SEC24B: variants seen among roughly 807,000 people sequenced by gnomAD.
SEC24B encodes SEC24 homolog B, COPII component, also known as protein transport protein Sec24B.
Under a neutral mutation model 142.8 loss-of-function variants are expected in SEC24B, and 45 were observed. The observed-to-expected ratio is 0.32, with a 90% CI of 0.25 to 0.40. The LOEUF is 0.40. SEC24B is among the 10% of genes least tolerant of loss of function. The pLI, the probability that SEC24B is intolerant of heterozygous loss-of-function variation, is 1.00. For synonymous variants in SEC24B, 574 were observed against 568.2 expected (o/e 1.01, Z -0.15); for missense variants, 1,409 against 1,526.8 (o/e 0.92, Z 1.29).
chr4:109,513,804 G>T lies in SEC24B; in HGVS notation c.1961G>T (p.Arg654Leu). Residue 654 changes from arginine to leucine, a missense_variant, in exon 10 of 24, where the codon CGA becomes CTA. Coordinates refer to ENST00000265175, the MANE Select transcript of SEC24B (RefSeq NM_006323.5). ...LTRSYGEPHK[R>L]PEVQNSTVEF... Reference sequence around the variant, plus strand: ...CGATCTTATGGAGAGCCTCATAAACGACCAGAAGTTCAGAATTCAACTGTG... The same window carrying T: ...CGATCTTATGGAGAGCCTCATAAACTACCAGAAGTTCAGAATTCAACTGTG... The T allele has an allele frequency of 1.2e-6, 2 of 1,613,234 alleles. No individual in the cohort carries two copies. Among genetic ancestry groups the T allele is most frequent in the South Asian group, 2.2e-5 (2 of 91,016 alleles).
At chr4:109,459,930 G>C (rs1376545641) in intron 1 of SEC24B, among the ~76,000 whole-genome samples, 1 of 152,234 alleles carries the variant, frequency 6.6e-6, no homozygotes, top group African/African-American at 2.4e-5. Flanking sequence ...TATTTAAATA[G>C]GAGAAAGGAG....
chr4:109,460,777 TTAA>T (rs1045623317), intron 1 of SEC24B, among the ~76,000 whole-genome samples: 4 of 150,704 alleles, frequency 2.7e-5, no homozygotes, highest in African/African-American at 4.9e-5. Flanking sequence ...TATATTAATA[TTAA>T]TAAGACTAAT....
intron 2 of SEC24B, among the ~76,000 whole-genome samples, chr4:109,467,404 CTT>C (rs1732058533): frequency 1.3e-5 from 2 of 150,970 alleles, no homozygotes; most frequent in Non-Finnish European, 2.9e-5. Flanking sequence ...GTTGGTTGCA[CTT>C]TTGGCTAGTG....
At chr4:109,468,941 A>G (rs1188053655) in intron 2 of SEC24B, among the ~76,000 whole-genome samples, 1 of 152,082 alleles carries the variant, frequency 6.6e-6, no homozygotes, top group African/African-American at 2.4e-5. Flanking sequence ...ATACCTAATC[A>G]TATGTGTTAT....
At chr4:109,469,178 C>T (rs933819771) in intron 2 of SEC24B, among the ~76,000 whole-genome samples, 1 of 152,128 alleles carries the variant, frequency 6.6e-6, no homozygotes, top group African/African-American at 2.4e-5. Context: ...TCTTAGAAAT[C>T]ACACCTCAGA....
intron 2 of SEC24B, among the ~76,000 whole-genome samples, chr4:109,467,122 C>T (rs1030936588): frequency 2.0e-5 from 3 of 151,566 alleles, no homozygotes; most frequent in East Asian, 2.0e-4. Context: ...GTCAGGAGAT[C>T]GAGACCATCC....
chr4:109,534,868 G>A (rs1349139631), intron 22 of SEC24B, among the ~76,000 whole-genome samples: 1 of 152,068 alleles, frequency 6.6e-6, no homozygotes, highest in African/African-American at 2.4e-5. Context: ...TCTAGAGATG[G>A]GGTATCCCTG....
At chr4:109,459,961 G>A (rs1731091574) in intron 1 of SEC24B, among the ~76,000 whole-genome samples, 1 of 152,038 alleles carries the variant, frequency 6.6e-6, no homozygotes, top group Non-Finnish European at 1.5e-5. Context: ...TACTTTTGTC[G>A]TGTTAATGAA....
chr4:109,464,020 T>C (rs67923759), intron 2 of SEC24B, among the ~76,000 whole-genome samples: 11,835 of 152,298 alleles, frequency 0.078, 592 homozygotes, highest in Middle Eastern at 0.18. Context: ...GTTGTTTTTT[T>C]AGCCAGAGCC....
intron 9 of SEC24B, among the ~76,000 whole-genome samples, chr4:109,512,792 G>T (rs967939725): frequency 4.6e-5 from 7 of 151,452 alleles, no homozygotes; most frequent in Non-Finnish European, 1.0e-4. Flanking sequence ...CTCCCAAGTA[G>T]CTGAGACTAC....
intron 1 of SEC24B, among the ~76,000 whole-genome samples, chr4:109,451,924 C>T (rs1255095675): frequency 2.0e-5 from 3 of 152,090 alleles, no homozygotes; most frequent in Non-Finnish European, 4.4e-5. Context: ...CCTAGGTTTT[C>T]TTGATATCCT....
chr4:109,462,303 C>T lies in SEC24B; in HGVS notation c.134-598C>T, dbSNP rs947649827. On this transcript the variant is annotated intron_variant, in intron 1 of 23. Coordinates refer to ENST00000265175, the MANE Select transcript of SEC24B (RefSeq NM_006323.5). ...CTAAGCTTAACAACTTGTAAAACAA[C>T]AACTATTTATTTCACAGTTTCTCAG... Among the ~76,000 whole-genome samples, 8 of 152,178 alleles carry T rather than the reference C, an allele frequency of 5.3e-5. No individual in the cohort carries two copies. In the East Asian group the frequency reaches 1.3e-3, roughly 26 times the overall value.
At chr4:109,530,174 C>T in intron 18 of SEC24B, 115 bp from the exon 19 acceptor site, 1 of 808,616 alleles carries the variant, frequency 1.2e-6, no homozygotes, top group Non-Finnish European at 1.8e-6. Flanking sequence ...TGCATTTTTC[C>T]ATCCTAAAAA....
Position 109,463,454 on chromosome 4 carries a change from T to C in SEC24B, c.687T>C (p.Gly229=), listed in dbSNP as rs746160040. 14 of 1,614,154 alleles carry C rather than the reference T, an allele frequency of 8.7e-6. No individual in the cohort carries two copies. Among genetic ancestry groups the C allele is most frequent in the Non-Finnish European group, 1.7e-6 (2 of 1,180,028 alleles). The part of the protein sequence containing the change: ...VRPVKDNSFS[G]QNTAISHPSP... ...CAGTTAAAGATAATTCATTCTCTGG[T>C]CAAAATACAGCTATCAGCCATCCAT... Residue 229 remains glycine, a synonymous_variant, in exon 2 of 24, where the codon GGT becomes GGC. Coordinates refer to ENST00000265175, the MANE Select transcript of SEC24B (RefSeq NM_006323.5).
chr4:109,526,502 G>A, intron 17 of SEC24B, 103 bp downstream of exon 17: 4 of 771,708 alleles, frequency 5.2e-6, no homozygotes, highest in Middle Eastern at 3.2e-4. Flanking sequence ...ACAGTGGGAA[G>A]TAATGGAATT....
At chr4:109,439,434 A>T (rs1390048497) in intron 1 of SEC24B, among the ~76,000 whole-genome samples, 1 of 128,026 alleles carries the variant, frequency 7.8e-6, no homozygotes, top group Non-Finnish European at 1.5e-5. Context: ...CTGTGGTATT[A>T]AAGTGACTGT....
chr4:109,496,465 C>T (rs1225317635), intron 6 of SEC24B, among the ~76,000 whole-genome samples: 1 of 151,836 alleles, frequency 6.6e-6, no homozygotes, highest in Non-Finnish European at 1.5e-5. Flanking sequence ...AAACTGTTCT[C>T]AGTTGACTAA....
chr4:109,483,323 C>T (rs1476997846), intron 4 of SEC24B, among the ~76,000 whole-genome samples: 1 of 151,888 alleles, frequency 6.6e-6, no homozygotes, highest in Non-Finnish European at 1.5e-5. Context: ...TCATGATCCG[C>T]CTGCCTTGGC....
intron 3 of SEC24B, among the ~76,000 whole-genome samples, chr4:109,479,695 A>G (rs895158336): frequency 6.6e-6 from 1 of 152,142 alleles, no homozygotes; most frequent in Admixed American, 6.5e-5. Flanking sequence ...TGAGCCTCCC[A>G]AAGTGCTGGG....
Sources: gnomAD v4.1 joint callset for allele counts (sites outside exome capture counted in the v4.1 genomes callset) on GRCh38, gnomAD v4.1.1 for gene constraint, MANE v1.5 for transcripts, NCBI Gene and HGNC (gene_info 2026-07-23, HGNC 2026-07-21) for gene names.